The following TMEM43 variants were observed in gnomAD, a reference collection of about 807,000 sequenced individuals.
The protein encoded by TMEM43 is arrhythmogenic right ventricular dysplasia 5.
A neutral mutation model predicts 49.6 loss-of-function variants in TMEM43; 45 were observed. That is an observed-to-expected ratio of 0.91 (90% CI 0.71 to 1.16). The LOEUF is 1.16. Ranked by LOEUF, TMEM43 falls within the 50% of genes most tolerant of loss-of-function variation. The pLI is 0.00. For missense variants in TMEM43, 532 were observed against 516.6 expected (o/e 1.03, Z -0.29); for synonymous variants, 199 against 207.8 (o/e 0.96, Z 0.36).
At chr3:14,132,481 G>T in intron 4 of TMEM43, 65 bp from the exon 5 acceptor site, 1 of 1,580,258 alleles carries the variant, frequency 6.3e-7, no homozygotes. Flanking sequence ...CTGCTCAGAT[G>T]CTTAGAGATT....
chr3:14,133,058 A>G, intron 6 of TMEM43, 123 bp downstream of exon 6: 1 of 879,438 alleles, frequency 1.1e-6, no homozygotes, highest in Non-Finnish European at 1.9e-6. Flanking sequence ...AATGTGGGAC[A>G]TGGGTTTGAG....
Position 14,139,116 on chromosome 3 carries a change from G to T in TMEM43, c.883-64G>T, listed in dbSNP as rs563110363. 1.1e-4 allele frequency: 135 copies of T among 1,224,572 alleles called. No individual in the cohort carries two copies. In the East Asian group the frequency reaches 2.9e-3, roughly 26 times the overall value. 75.9% of individuals were successfully genotyped at this position (1,224,572 alleles called of 1,614,324 possible). A position where few individuals can be genotyped will look rare whatever the true frequency, so the allele number is the denominator to read the frequency against. The stretch of plus-strand genomic sequence containing the variant: ...AGTTGGTACAGCCCCCTCAGGACCT[G>T]CCCTGCCGACTGGGTACGCCACTGG... On this transcript the variant is annotated intron_variant, in intron 10 of 11. Coordinates refer to ENST00000306077, the MANE Select transcript of TMEM43 (RefSeq NM_024334.3).
chr3:14,139,903 G>A (rs1001985158), intron 11 of TMEM43, among the ~76,000 whole-genome samples: 3 of 152,184 alleles, frequency 2.0e-5, no homozygotes, highest in Non-Finnish European at 4.4e-5. Flanking sequence ...AGCGTGGTTC[G>A]GGATCTGAGT....
chr3:14,142,063 C>G lies in TMEM43; in HGVS notation c.*268C>G, dbSNP rs1302612102. 3 of 529,048 alleles carry G rather than the reference C, an allele frequency of 5.7e-6. No homozygotes were observed. Among genetic ancestry groups the G allele is most frequent in the East Asian group, 6.7e-5 (2 of 29,756 alleles). 32.8% of individuals were successfully genotyped at this position (529,048 alleles called of 1,614,324 possible). On this transcript the variant is annotated 3_prime_UTR_variant, in exon 12 of 12. Coordinates refer to ENST00000306077, the MANE Select transcript of TMEM43 (RefSeq NM_024334.3). ...AAGCTGACAGCTTCTCCTGCTGTTT[C>G]CTTCCTCTCTTGGACTGAGTGGGTA...
chr3:14,133,656 C>A, intron 6 of TMEM43, 83 bp from the exon 7 acceptor site: 2 of 1,322,624 alleles, frequency 1.5e-6, no homozygotes, highest in Non-Finnish European at 2.2e-6. Context: ...CGGGTGGGGA[C>A]CCTGCCCAGC....
At chr3:14,125,996 G>A (rs573397655) in intron 1 of TMEM43, among the ~76,000 whole-genome samples, 63 of 152,186 alleles carry the variant, frequency 4.1e-4, no homozygotes, top group Non-Finnish European at 7.9e-4. Flanking sequence ...TCTAGGGCCC[G>A]CTTAGGAGCC....
intron 7 of TMEM43, 123 bp downstream of exon 7, chr3:14,133,932 C>A (rs955218014): frequency 4.6e-5 from 44 of 947,906 alleles, no homozygotes; most frequent in Non-Finnish European, 7.0e-5. Context: ...CCTTTCCCAG[C>A]ACCATGCTTT....
chr3:14,139,436 C>T (rs1441065567), intron 11 of TMEM43, 139 bp downstream of exon 11: 17 of 719,224 alleles, frequency 2.4e-5, no homozygotes, highest in Non-Finnish European at 4.2e-5. Context: ...CTCTGTGTCC[C>T]CGCTCCATAG....
chr3:14,132,496 T>A, intron 4 of TMEM43, 50 bp from the exon 5 acceptor site: 1 of 1,608,508 alleles, frequency 6.2e-7, no homozygotes. Context: ...GAGATTAGAC[T>A]GCCTGGGGCG....
chr3:14,126,751 T>C (rs896099017), intron 1 of TMEM43, among the ~76,000 whole-genome samples: 5 of 152,340 alleles, frequency 3.3e-5, no homozygotes, highest in African/African-American at 1.2e-4. Flanking sequence ...TTGAGTATTC[T>C]CTGCTGCCAA....
chr3:14,134,077 C>T (rs886684620), intron 7 of TMEM43, among the ~76,000 whole-genome samples: 8 of 152,212 alleles, frequency 5.3e-5, no homozygotes, highest in Non-Finnish European at 7.3e-5. Flanking sequence ...CACCCTGCTG[C>T]GTGCCGGTGT....
At position 14,130,939 on chromosome 3, in the gene TMEM43, G is replaced by A. The variant is rs369142200; in HGVS notation, c.280G>A (p.Ala94Thr). The A allele has an allele frequency of 2.0e-5, 32 of 1,611,454 alleles. No homozygotes were observed. The African/African-American group carries it at 3.2e-4, about 16-fold the overall frequency. ...NEGRLVHIIG[A>T]LRTSKLLSDP... ...AGGAAGGCTGGTGCACATCATTGGC[G>A]CCTTACGGACATCCAAGGTAGGTTT... Residue 94 changes from alanine to threonine, a missense_variant, in exon 3 of 12, where the codon GCC (alanine) becomes ACC (threonine). Coordinates refer to ENST00000306077, the MANE Select transcript of TMEM43 (RefSeq NM_024334.3).
At position 14,125,137 on chromosome 3, in the gene TMEM43, G is replaced by A; in HGVS notation, c.-57G>A. On this transcript the variant is annotated 5_prime_UTR_variant, in exon 1 of 12. Coordinates refer to ENST00000306077, the MANE Select transcript of TMEM43 (RefSeq NM_024334.3). ...GGCCGCTGGACACCACGCTCCAGTCGTCAGCCCACTTCCTAGCTGAACAGC... is the reference window on the plus strand; with the variant it reads ...GGCCGCTGGACACCACGCTCCAGTCATCAGCCCACTTCCTAGCTGAACAGC... The A allele has an allele frequency of 6.2e-7, 1 of 1,604,918 alleles. No individual in the cohort carries two copies. Among genetic ancestry groups the A allele is most frequent in the Non-Finnish European group, 8.5e-7 (1 of 1,177,206 alleles).
chr3:14,125,869 G>T (rs558020526), intron 1 of TMEM43, among the ~76,000 whole-genome samples: 3 of 152,152 alleles, frequency 2.0e-5, no homozygotes, highest in Non-Finnish European at 4.4e-5. Flanking sequence ...CCTGCAACTA[G>T]CCTTTCTCGG....
rs1694998412 is a variant in TMEM43 at position 14,125,097 on chromosome 3, C to T, written c.-97C>T. ...CTGGAGTCCACGCGGATTTTCGAAG[C>T]TGGGGCTGGCAAGAGGCCGCTGGAC... On this transcript the variant is annotated 5_prime_UTR_variant, in exon 1 of 12. Coordinates refer to ENST00000306077, the MANE Select transcript of TMEM43 (RefSeq NM_024334.3). 10 of 1,527,772 alleles carry T rather than the reference C, an allele frequency of 6.5e-6. No individual in the cohort carries two copies. The highest frequency in any genetic ancestry group is 8.9e-6 in the Non-Finnish European group (10 of 1,120,124). The allele number at this position is 1,527,772 out of a possible 1,614,324, so 94.6% of individuals were successfully genotyped here. A position where few individuals can be genotyped will look rare whatever the true frequency, so the allele number is the denominator to read the frequency against.
chr3:14,135,036 A>G (rs2733586), intron 8 of TMEM43, 122 bp from the exon 9 acceptor site: 1 of 1,495,828 alleles, frequency 6.7e-7, no homozygotes, highest in Non-Finnish European at 9.2e-7. Context: ...GGGTGACGGC[A>G]CAGCCTGGGC....
At chr3:14,128,352 C>G (rs1695045886) in intron 1 of TMEM43, among the ~76,000 whole-genome samples, 1 of 152,226 alleles carries the variant, frequency 6.6e-6, no homozygotes, top group Non-Finnish European at 1.5e-5. Flanking sequence ...TCCTCCACTG[C>G]TCCCACCCAG....
intron 10 of TMEM43, among the ~76,000 whole-genome samples, chr3:14,136,420 G>A (rs1270175847): frequency 6.6e-6 from 1 of 152,208 alleles, no homozygotes; most frequent in East Asian, 1.9e-4. Context: ...GTAGAGGAGT[G>A]AGAGTGACAG....
intron 1 of TMEM43, 89 bp downstream of exon 1, chr3:14,125,294 C>G: frequency 6.7e-7 from 1 of 1,484,534 alleles, no homozygotes; most frequent in Non-Finnish European, 9.1e-7. Context: ...CATTTCGCCG[C>G]CTGGAGCTCC....
Sources: allele counts gnomAD v4.1 joint callset (sites outside exome capture counted in the v4.1 genomes callset), GRCh38; gene constraint gnomAD v4.1.1; transcripts MANE v1.5; gene names NCBI Gene and HGNC (gene_info 2026-07-23, HGNC 2026-07-21).